CNTN4: variants seen among roughly 807,000 people sequenced by gnomAD.
CNTN4 encodes the protein contactin 4.
A neutral mutation model predicts 122.5 loss-of-function variants in CNTN4; 77 were observed. The ratio of observed to expected loss-of-function variants is 0.63; its 90% CI spans 0.52 to 0.76. The LOEUF (loss-of-function observed/expected upper bound fraction) is 0.76. Ranked by LOEUF, CNTN4 falls within the 30% of genes least tolerant of loss-of-function variation. The pLI, the probability that CNTN4 is intolerant of heterozygous loss-of-function variation, is 0.00. For missense variants in CNTN4, 1,256 were observed against 1,259.1 expected, an observed-to-expected ratio of 1.00 and a Z score of 0.04; for synonymous variants, 512 against 447.0, an observed-to-expected ratio of 1.15 and a Z score of -1.83.
chr3:2,431,842 C>G (rs538297231), intron 3 of CNTN4, among the ~76,000 whole-genome samples: 1 of 152,240 alleles, frequency 6.6e-6, no homozygotes, highest in East Asian at 1.9e-4. Flanking sequence ...GAGCCTGAAT[C>G]AAGGTTAACT....
intron 6 of CNTN4, among the ~76,000 whole-genome samples, chr3:2,798,943 T>A (rs1576836065): frequency 6.6e-6 from 1 of 152,224 alleles, no homozygotes; most frequent in East Asian, 1.9e-4. Context: ...GTTGTACTAA[T>A]TTACACTCCT....
intron 4 of CNTN4, among the ~76,000 whole-genome samples, chr3:2,617,399 A>C (rs1484053296): frequency 6.8e-6 from 1 of 147,152 alleles, no homozygotes; most frequent in African/African-American, 2.5e-5. Context: ...GCTCAACATC[A>C]CTGATCTTTA....
chr3:2,312,012 A>C (rs2042932076), intron 2 of CNTN4, among the ~76,000 whole-genome samples: 1 of 152,094 alleles, frequency 6.6e-6, no homozygotes, highest in Non-Finnish European at 1.5e-5. Flanking sequence ...TAATTAAGAA[A>C]AAAGTGAGAG....
intron 4 of CNTN4, among the ~76,000 whole-genome samples, chr3:2,676,408 G>A (rs1184762438): frequency 1.3e-5 from 2 of 152,256 alleles, no homozygotes; most frequent in Non-Finnish European, 2.9e-5. Flanking sequence ...TTTTAATAGA[G>A]ACAGGGTTTC....
intron 4 of CNTN4, among the ~76,000 whole-genome samples, chr3:2,712,480 A>T (rs747745148): frequency 1.3e-5 from 2 of 152,198 alleles, no homozygotes; most frequent in Non-Finnish European, 2.9e-5. Flanking sequence ...AGAAAACCAG[A>T]TTAACAACAG....
At chr3:3,002,262 C>T (rs1696127137) in intron 14 of CNTN4, among the ~76,000 whole-genome samples, 1 of 152,058 alleles carries the variant, frequency 6.6e-6, no homozygotes, top group South Asian at 2.1e-4. Context: ...ATCAGGGTGC[C>T]ATCTTCCAGC....
rs771719031 is a variant in CNTN4 at position 2,916,639 on chromosome 3, C to T, written c.1208-8990C>T. ...ACAGCAACAATCTGATTTCTCTTTC[C>T]TTTCCCCACACTTCCCCCCCTTCCA... is the stretch of plus-strand genomic sequence containing the variant. On this transcript the variant is annotated intron_variant, in intron 12 of 24. Coordinates refer to ENST00000418658, the MANE Select transcript of CNTN4 (RefSeq NM_175607.3). 2.1e-4 allele frequency among the ~76,000 whole-genome samples: 25 copies of T among 116,284 alleles called. 7 individuals are homozygous for T. The South Asian group carries it at 2.8e-3, about 13-fold the overall frequency. 76.3% of individuals were successfully genotyped at this position (116,284 alleles called of 152,430 possible).
chr3:2,849,586 C>T (rs1367751023), intron 7 of CNTN4, among the ~76,000 whole-genome samples: 2 of 152,190 alleles, frequency 1.3e-5, no homozygotes, highest in Admixed American at 6.5e-5. Flanking sequence ...GAAAGAAGTA[C>T]TTATCCAGCA....
At chr3:2,786,102 C>G (rs1236588841) in intron 6 of CNTN4, among the ~76,000 whole-genome samples, 2 of 151,926 alleles carry the variant, frequency 1.3e-5, no homozygotes, top group African/African-American at 2.4e-5. Flanking sequence ...ACAACCCTTC[C>G]CCTCCATCCC....
intron 4 of CNTN4, among the ~76,000 whole-genome samples, chr3:2,724,463 A>C (rs2088074797): frequency 2.0e-5 from 3 of 152,174 alleles, no homozygotes; most frequent in Admixed American, 2.0e-4. Flanking sequence ...ACCAAACTCA[A>C]ATTTAGTGGA....
intron 6 of CNTN4, among the ~76,000 whole-genome samples, chr3:2,814,971 C>T (rs1406716160): frequency 2.6e-5 from 4 of 152,184 alleles, no homozygotes; most frequent in Non-Finnish European, 4.4e-5. Context: ...AGAGCATTAT[C>T]CATAATGTAT....
At chr3:2,334,888 T>A (rs1333963772) in intron 2 of CNTN4, among the ~76,000 whole-genome samples, 1 of 152,192 alleles carries the variant, frequency 6.6e-6, no homozygotes, top group Non-Finnish European at 1.5e-5. Context: ...AAGGGTTGTT[T>A]TTGTTCTTAA....
intron 3 of CNTN4, among the ~76,000 whole-genome samples, chr3:2,340,712 G>T (rs1621919): frequency 0.028 from 1,664 of 58,768 alleles, 18 homozygotes; most frequent in African/African-American, 0.051. Context: ...TATATATATA[G>T]AGAGAGAGAG....
chr3:2,489,892 T>A (rs368184540), intron 3 of CNTN4, among the ~76,000 whole-genome samples: 1 of 152,198 alleles, frequency 6.6e-6, no homozygotes, highest in Non-Finnish European at 1.5e-5. Context: ...ATTTGACCTT[T>A]ACTCTGAAAA....
chr3:2,513,506 T>C (rs1011435058), intron 3 of CNTN4, among the ~76,000 whole-genome samples: 8 of 152,170 alleles, frequency 5.3e-5, no homozygotes, highest in Non-Finnish European at 1.2e-4. Context: ...TTCTTTTTTT[T>C]TCAGGGTCCC....
At chr3:3,025,776 CT>C (rs1468401360) in intron 14 of CNTN4, among the ~76,000 whole-genome samples, 1 of 152,128 alleles carries the variant, frequency 6.6e-6, no homozygotes, top group East Asian at 1.9e-4. Flanking sequence ...AGACGAAAAC[CT>C]TTTCAAAGAG....
rs1182263936 is a variant in CNTN4 at position 2,100,599 on chromosome 3, A to G, written c.-185A>G. ...GTGTGTCATGAAGACAGGCACCTGGAGGTGATTTGGGTGGCATTCATGAGA... is the reference window on the plus strand; with the variant it reads ...GTGTGTCATGAAGACAGGCACCTGGGGGTGATTTGGGTGGCATTCATGAGA... On this transcript the variant is annotated 5_prime_UTR_variant, in exon 2 of 25. Coordinates refer to ENST00000418658, the MANE Select transcript of CNTN4 (RefSeq NM_175607.3). 6.6e-6 allele frequency: 1 copy of G among 152,078 alleles called. No individual in the cohort carries two copies. The highest frequency in any genetic ancestry group is 1.5e-5 in the Non-Finnish European group (1 of 68,030). 9.4% of individuals were successfully genotyped at this position (152,078 alleles called of 1,614,324 possible).
chr3:2,538,596 G>A (rs1323472223), intron 3 of CNTN4, among the ~76,000 whole-genome samples: 25 of 151,994 alleles, frequency 1.6e-4, no homozygotes, highest in Admixed American at 1.6e-3. Flanking sequence ...AAATTCTGCA[G>A]AGTGGTGGTG....
intron 6 of CNTN4, among the ~76,000 whole-genome samples, chr3:2,755,637 A>C (rs2090301325): frequency 2.0e-5 from 3 of 152,218 alleles, no homozygotes; most frequent in Admixed American, 2.0e-4. Flanking sequence ...AGCTATTATT[A>C]ATAGTTTATT....
Sources: gnomAD v4.1 joint callset for allele counts (sites outside exome capture counted in the v4.1 genomes callset) on GRCh38, gnomAD v4.1.1 for gene constraint, MANE v1.5 for transcripts, NCBI Gene and HGNC (gene_info 2026-07-23, HGNC 2026-07-21) for gene names.